Variants in EFCAB11 observed in about 807,000 individuals in gnomAD.
EFCAB11 encodes the protein EF-hand calcium-binding domain-containing protein 11.
In EFCAB11, 14 loss-of-function variants were observed where a neutral mutation model predicts 23.0. The observed-to-expected ratio is 0.61, with a 90% CI of 0.40 to 0.95. The LOEUF is 0.95. EFCAB11 is among the 40% of genes least tolerant of loss of function. The probability of loss-of-function intolerance (pLI) is 0.00; values close to 1 mark genes in which losing one functional copy is unlikely to be tolerated. For missense variants in EFCAB11, 198 were observed against 195.8 expected (o/e 1.01, Z -0.07); for synonymous variants, 65 against 66.6 (o/e 0.98, Z 0.11).
intron 5 of EFCAB11, chr14:89,831,327 T>C (rs1237919668): frequency 2.0e-5 from 3 of 152,230 alleles, no homozygotes; most frequent in African/African-American, 7.2e-5. Context: ...AACATGGAGA[T>C]GTCTATCTCA....
intron 5 of EFCAB11, among the ~76,000 whole-genome samples, chr14:89,889,214 T>C (rs1035985031): frequency 6.6e-6 from 1 of 152,206 alleles, no homozygotes; most frequent in African/African-American, 2.4e-5. Context: ...TTAATCACCA[T>C]TTTAAGGAAA....
chr14:89,868,270 T>G (rs1405080462), intron 5 of EFCAB11, among the ~76,000 whole-genome samples: 1 of 152,222 alleles, frequency 6.6e-6, no homozygotes, highest in African/African-American at 2.4e-5. Flanking sequence ...CCAGTAGGAC[T>G]AAGCTAAAAT....
chr14:89,953,593 C>T (rs1891277562), intron 2 of EFCAB11, among the ~76,000 whole-genome samples: 2 of 152,160 alleles, frequency 1.3e-5, no homozygotes. Flanking sequence ...ATGTCATGTC[C>T]TATGTAAATT....
intron 5 of EFCAB11, among the ~76,000 whole-genome samples, chr14:89,903,926 C>T (rs555878449): frequency 6.6e-6 from 1 of 152,072 alleles, no homozygotes; most frequent in East Asian, 1.9e-4. Flanking sequence ...ATATTTATAC[C>T]CATATTTTAT....
At chr14:89,883,491 A>G (rs1029180774) in intron 5 of EFCAB11, among the ~76,000 whole-genome samples, 4 of 152,214 alleles carry the variant, frequency 2.6e-5, no homozygotes, top group African/African-American at 9.6e-5. Context: ...ATCCTCTTGT[A>G]TACTTTAAAT....
intron 5 of EFCAB11, among the ~76,000 whole-genome samples, chr14:89,847,635 A>T (rs1021537910): frequency 2.0e-5 from 3 of 151,196 alleles, no homozygotes; most frequent in African/African-American, 7.3e-5. Flanking sequence ...GCTACTCAGG[A>T]GGCTGAGACA....
At chr14:89,947,042 A>G (rs1186608282) in intron 3 of EFCAB11, among the ~76,000 whole-genome samples, 4 of 152,320 alleles carry the variant, frequency 2.6e-5, no homozygotes, top group Non-Finnish European at 5.9e-5. Flanking sequence ...GTATCAACAT[A>G]TATTTATGAA....
chr14:89,913,980 A>C (rs1019512700), intron 5 of EFCAB11, among the ~76,000 whole-genome samples: 1 of 152,186 alleles, frequency 6.6e-6, no homozygotes, highest in African/African-American at 2.4e-5. Context: ...CCCAGCAATA[A>C]TAATGTTGAG....
chr14:89,891,104 T>C (rs181530151), intron 5 of EFCAB11, among the ~76,000 whole-genome samples: 1 of 152,346 alleles, frequency 6.6e-6, no homozygotes, highest in Non-Finnish European at 1.5e-5. Context: ...AGTCCTGTAC[T>C]GACTGTGCTA....
At chr14:89,856,579 A>C (rs1051659679) in intron 5 of EFCAB11, among the ~76,000 whole-genome samples, 1 of 152,050 alleles carries the variant, frequency 6.6e-6, no homozygotes, top group African/African-American at 2.4e-5. Context: ...CCTCCTCTAC[A>C]CCTTTGCCAA....
chr14:89,895,759 ACAC>A (rs927481024), intron 5 of EFCAB11, among the ~76,000 whole-genome samples: 1 of 152,190 alleles, frequency 6.6e-6, no homozygotes, highest in African/African-American at 2.4e-5. Context: ...CTTAAACAGG[ACAC>A]CAGCCCTCTA....
intron 5 of EFCAB11, among the ~76,000 whole-genome samples, chr14:89,896,527 T>C (rs978070864): frequency 4.6e-5 from 7 of 152,200 alleles, no homozygotes; most frequent in Admixed American, 3.3e-4. Context: ...TAAGTAAACA[T>C]TCGTGTACCT....
At chr14:89,900,126 C>G (rs573762446) in intron 5 of EFCAB11, among the ~76,000 whole-genome samples, 21 of 152,102 alleles carry the variant, frequency 1.4e-4, no homozygotes, top group African/African-American at 3.9e-4. Context: ...GGTGCCCCAA[C>G]AGAATACTAT....
At chr14:89,895,433 T>C (rs1031554067) in intron 5 of EFCAB11, among the ~76,000 whole-genome samples, 1 of 152,180 alleles carries the variant, frequency 6.6e-6, no homozygotes, top group African/African-American at 2.4e-5. Flanking sequence ...GAGGGAGACT[T>C]GCCCTACTGG....
intron 2 of EFCAB11, among the ~76,000 whole-genome samples, chr14:89,951,611 A>C (rs956103781): frequency 6.6e-6 from 1 of 152,126 alleles, no homozygotes; most frequent in Non-Finnish European, 1.5e-5. Context: ...AGAAACAATA[A>C]ATTTCATTGT....
chr14:89,917,084 G>A (rs1392606504), intron 5 of EFCAB11, among the ~76,000 whole-genome samples: 1 of 135,122 alleles, frequency 7.4e-6, no homozygotes, highest in Non-Finnish European at 1.5e-5. Flanking sequence ...GTGTGTGTGT[G>A]TGTGTGTGTG....
intron 5 of EFCAB11, among the ~76,000 whole-genome samples, chr14:89,813,121 T>G (rs1199852694): frequency 1.3e-5 from 2 of 152,104 alleles, no homozygotes; most frequent in Admixed American, 1.3e-4. Flanking sequence ...AATAAAAAAA[T>G]AAGATACTCT....
chr14:89,839,689 T>C (rs115081887), intron 5 of EFCAB11, among the ~76,000 whole-genome samples: 143 of 152,070 alleles, frequency 9.4e-4, no homozygotes, highest in African/African-American at 3.4e-3. Flanking sequence ...CCACAGCCTA[T>C]ACAAGAAGCA....
chr14:89,806,973 A>ATAT (rs1036187594), intron 5 of EFCAB11, among the ~76,000 whole-genome samples: 7 of 152,246 alleles, frequency 4.6e-5, no homozygotes, highest in African/African-American at 1.7e-4. Flanking sequence ...AAACATAAGC[A>ATAT]TATATAAATA....
Sources: allele counts gnomAD v4.1 joint callset (sites outside exome capture counted in the v4.1 genomes callset), GRCh38; gene constraint gnomAD v4.1.1; transcripts MANE v1.5; gene names NCBI Gene and HGNC (gene_info 2026-07-23, HGNC 2026-07-21).